Variants in ITPR2 observed in about 807,000 individuals in gnomAD.
ITPR2 encodes inositol 1,4,5-trisphosphate receptor type 2.
ITPR2 carries 207 observed loss-of-function variants against 317.1 expected under a neutral mutation model. The ratio of observed to expected loss-of-function variants is 0.65; its 90% confidence interval spans 0.58 to 0.73. The LOEUF (loss-of-function observed/expected upper bound fraction) is 0.73. Among genes scored for constraint, ITPR2 ranks in the 30% least tolerant of loss-of-function variants. ITPR2 has a pLI of 0.00. For missense variants in ITPR2, 2,613 were observed against 3,284.0 expected (o/e 0.80, Z 4.99); for synonymous variants, 1,156 against 1,149.1 (o/e 1.01, Z -0.12).
chr12:26,784,170 A>T (rs1362992358), intron 2 of ITPR2, among the ~76,000 whole-genome samples: 1 of 151,652 alleles, frequency 6.6e-6, no homozygotes, highest in Non-Finnish European at 1.5e-5. Flanking sequence ...AACAGAGTGG[A>T]AGAGAATTCT....
chr12:26,686,759 T>A, intron 10 of ITPR2, 127 bp from the exon 11 acceptor site: 1 of 814,742 alleles, frequency 1.2e-6, no homozygotes, highest in Non-Finnish European at 1.9e-6. Context: ...CTATTTCACA[T>A]CATCCAGAAA....
chr12:26,405,733 G>A (rs1005112516), intron 52 of ITPR2, among the ~76,000 whole-genome samples: 10 of 152,158 alleles, frequency 6.6e-5, no homozygotes, highest in Admixed American at 6.5e-4. Context: ...TCTTGTGGGT[G>A]GAACACCTGA....
intron 45 of ITPR2, among the ~76,000 whole-genome samples, chr12:26,470,163 C>A (rs766525100): frequency 6.6e-6 from 1 of 152,338 alleles, no homozygotes; most frequent in South Asian, 2.1e-4. Flanking sequence ...CTCTACAGCA[C>A]CCTCCTATAA....
At chr12:26,460,708 A>C (rs11048530) in intron 45 of ITPR2, among the ~76,000 whole-genome samples, 3,267 of 152,264 alleles carry the variant, frequency 0.021, 151 homozygotes, top group East Asian at 0.21. Context: ...TACTCCAGAT[A>C]TTCTCAGAGT....
intron 41 of ITPR2, among the ~76,000 whole-genome samples, chr12:26,484,142 T>TATATATGTATATATGTATATATAC (rs1942607510): frequency 7.3e-6 from 1 of 137,340 alleles, no homozygotes; most frequent in Admixed American, 7.6e-5. Context: ...TATATGTGTG[T>TATATATGTATATATGTATATATAC]ATATATGTAT....
intron 2 of ITPR2, among the ~76,000 whole-genome samples, chr12:26,784,477 G>C (rs1950172112): frequency 6.7e-6 from 1 of 150,288 alleles, no homozygotes; most frequent in Non-Finnish European, 1.5e-5. Context: ...CAGCCTGCCG[G>C]GTGCCTGCGC....
chr12:26,613,168 G>A (rs1484867598), intron 26 of ITPR2, among the ~76,000 whole-genome samples: 2 of 152,012 alleles, frequency 1.3e-5, no homozygotes, highest in Non-Finnish European at 1.5e-5. Context: ...GAAAACAACG[G>A]GACTGAAATG....
At chr12:26,505,667 T>C (rs1943166365) in intron 37 of ITPR2, among the ~76,000 whole-genome samples, 1 of 152,196 alleles carries the variant, frequency 6.6e-6, no homozygotes, top group South Asian at 2.1e-4. Context: ...AGATTATAAG[T>C]ACCATGAGGA....
chr12:26,726,687 A>T (rs112568114), intron 2 of ITPR2, among the ~76,000 whole-genome samples: 1,992 of 152,346 alleles, frequency 0.013, 47 homozygotes, highest in African/African-American at 0.046. Context: ...AATAAAATTC[A>T]GTCAACTCAA....
chr12:26,811,036 CAAAAAAAAAAA>C lies in ITPR2; in HGVS notation c.93-20820_93-20810del, dbSNP rs79796097. Among the ~76,000 whole-genome samples, 19 of 108,276 alleles carry C rather than the reference CAAAAAAAAAAA, an allele frequency of 1.8e-4. 1 individual carries two copies. Among genetic ancestry groups the C allele is most frequent in the South Asian group, 1.0e-3 (3 of 2,994 alleles). The allele number at this position is 108,276 out of a possible 152,430, so 71.0% of individuals were successfully genotyped here. A position where few individuals can be genotyped will look rare whatever the true frequency, so the allele number is the denominator to read the frequency against. ...ATCTCCTCTCTTGTGTTTTAAGTTACAAAAAAAAAAAAAAAAAAAAAAAACAGAAAGATACT... is the reference window on the plus strand; with the variant it reads ...ATCTCCTCTCTTGTGTTTTAAGTTACAAAAAAAAAAAAACAGAAAGATACT... On this transcript the variant is annotated intron_variant, in intron 1 of 56. Coordinates refer to ENST00000381340, the MANE Select transcript of ITPR2 (RefSeq NM_002223.4).
At chr12:26,724,263 A>C in intron 4 of ITPR2, among the ~76,000 whole-genome samples, 1 of 152,208 alleles carries the variant, frequency 6.6e-6, no homozygotes, top group Non-Finnish European at 1.5e-5. Flanking sequence ...ATAACAATTC[A>C]AGGATGACTT....
intron 21 of ITPR2, among the ~76,000 whole-genome samples, chr12:26,639,634 C>T (rs1174745877): frequency 5.7e-5 from 7 of 123,360 alleles, no homozygotes; most frequent in Non-Finnish European, 8.0e-5. Context: ...CCCCACCCCA[C>T]GACAGTCCCC....
At chr12:26,818,344 T>C (rs1950892422) in intron 1 of ITPR2, among the ~76,000 whole-genome samples, 1 of 152,226 alleles carries the variant, frequency 6.6e-6, no homozygotes, top group Non-Finnish European at 1.5e-5. Context: ...GTGATAATAC[T>C]TTAAAAGACC....
rs1592014168 is a variant in ITPR2, at chr12:26,427,842, A to G, written c.6945+71T>C. The G allele has an allele frequency of 4.0e-6, 4 of 990,292 alleles. No individual in the cohort carries two copies. In the African/African-American group the frequency reaches 5.1e-5, roughly 13 times the overall value. 61.3% of individuals were successfully genotyped at this position (990,292 alleles called of 1,614,324 possible). ...ATGCATACATGAATTAAAAGCTTATAGTTATATTTTTATATTTCATACACT... is the reference window on the plus strand; with the variant it reads ...ATGCATACATGAATTAAAAGCTTATGGTTATATTTTTATATTTCATACACT... On this transcript the variant is annotated intron_variant, in intron 49 of 56. Transcript: ENST00000381340.
chr12:26,360,970 T>C (rs1938810229), intron 55 of ITPR2, among the ~76,000 whole-genome samples: 2 of 152,054 alleles, frequency 1.3e-5, no homozygotes, highest in African/African-American at 4.8e-5. Context: ...TCCCAAAACT[T>C]TGGGACGCCG....
intron 55 of ITPR2, among the ~76,000 whole-genome samples, chr12:26,345,344 T>G (rs1443458741): frequency 6.6e-6 from 1 of 152,202 alleles, no homozygotes; most frequent in Non-Finnish European, 1.5e-5. Flanking sequence ...TGTCTGAAAC[T>G]GTGGAGAGTA....
chr12:26,547,126 G>A (rs187558797), intron 37 of ITPR2, among the ~76,000 whole-genome samples: 1 of 152,258 alleles, frequency 6.6e-6, no homozygotes, highest in Non-Finnish European at 1.5e-5. Flanking sequence ...CCTGTTGAAT[G>A]GGAGAAAATA....
rs1281413367 is a variant in ITPR2, at chr12:26,717,564, C to T, written c.526-1322G>A. Among the ~76,000 whole-genome samples the T allele has an allele frequency of 2.6e-5, 4 of 152,158 alleles. No homozygotes were observed. The South Asian group carries it at 8.3e-4, about 31-fold the overall frequency. On this transcript the variant is annotated intron_variant, in intron 5 of 56. Coordinates refer to ENST00000381340, the MANE Select transcript of ITPR2 (RefSeq NM_002223.4). ...AACTCACAAAGATTCATCATAGAAG[C>T]TCTCTATATACAGTTAAGGAAAGAT...
chr12:26,694,687 T>C (rs1181879679), intron 10 of ITPR2, among the ~76,000 whole-genome samples: 2 of 152,160 alleles, frequency 1.3e-5, no homozygotes, highest in Non-Finnish European at 2.9e-5. Context: ...TTTTCCTAAA[T>C]CATACAAAAG....
Sources: gnomAD v4.1 joint callset for allele counts (sites outside exome capture counted in the v4.1 genomes callset) on GRCh38, gnomAD v4.1.1 for gene constraint, MANE v1.5 for transcripts, NCBI Gene and HGNC (gene_info 2026-07-23, HGNC 2026-07-21) for gene names.